Variants in NPAS3 observed in about 807,000 individuals in gnomAD.
The protein encoded by NPAS3 is neuronal PAS domain-containing protein 3.
In NPAS3, 14 loss-of-function variants were observed where a neutral mutation model predicts 73.1. That is an observed-to-expected ratio of 0.19 (90% confidence interval 0.13 to 0.30). NPAS3 has a LOEUF of 0.30. NPAS3 is among the 10% of genes least tolerant of loss of function. The pLI, the probability that NPAS3 is intolerant of heterozygous loss-of-function variation, is 1.00. For synonymous variants in NPAS3, 620 were observed against 541.5 expected (o/e 1.14, Z -2.01); for missense variants, 1,096 against 1,250.0 (o/e 0.88, Z 1.86).
chr14:33,691,811 C>A (rs2060243566), intron 6 of NPAS3, among the ~76,000 whole-genome samples: 1 of 152,164 alleles, frequency 6.6e-6, no homozygotes, highest in Non-Finnish European at 1.5e-5. Flanking sequence ...CTTCCCTCAA[C>A]CCCCAACTGG....
intron 3 of NPAS3, among the ~76,000 whole-genome samples, chr14:33,296,512 T>G (rs1362269567): frequency 6.6e-6 from 1 of 152,226 alleles, no homozygotes; most frequent in Non-Finnish European, 1.5e-5. Context: ...CCAGTAGAGT[T>G]GTGTGTGTCT....
At chr14:33,331,057 G>C (rs764982907) in intron 3 of NPAS3, among the ~76,000 whole-genome samples, 56 of 152,148 alleles carry the variant, frequency 3.7e-4, no homozygotes, top group South Asian at 1.2e-3. Flanking sequence ...AACTGGTATA[G>C]TACTTAGGAT....
At chr14:33,654,493 A>G (rs1376468572) in intron 5 of NPAS3, among the ~76,000 whole-genome samples, 1 of 152,166 alleles carries the variant, frequency 6.6e-6, no homozygotes, top group Admixed American at 6.5e-5. Context: ...CCAGTGGTGA[A>G]AAAAAGTGAC....
chr14:33,774,278 T>G, intron 7 of NPAS3, 59 bp from the exon 8 acceptor site: 1 of 1,362,324 alleles, frequency 7.3e-7, no homozygotes, highest in Non-Finnish European at 1.0e-6. Context: ...TCATAAGAAA[T>G]GCTGTTATAT....
chr14:33,311,553 T>C (rs144858659), intron 3 of NPAS3, among the ~76,000 whole-genome samples: 1 of 152,240 alleles, frequency 6.6e-6, no homozygotes, highest in African/African-American at 2.4e-5. Flanking sequence ...GATAATTCAG[T>C]AGCAATCTTG....
intron 6 of NPAS3, among the ~76,000 whole-genome samples, chr14:33,718,853 C>T (rs900135319): frequency 8.5e-5 from 13 of 152,102 alleles, no homozygotes; most frequent in Admixed American, 4.6e-4. Context: ...CGGCCAGGTA[C>T]GGTGGCTCAC....
chr14:33,671,208 G>A (rs147876426), intron 5 of NPAS3, among the ~76,000 whole-genome samples: 19 of 152,250 alleles, frequency 1.2e-4, no homozygotes, highest in Non-Finnish European at 2.4e-4. Context: ...TGCACTGTTA[G>A]TACATCACTG....
chr14:33,674,280 G>A (rs1595410286), intron 5 of NPAS3, among the ~76,000 whole-genome samples: 1 of 152,204 alleles, frequency 6.6e-6, no homozygotes, highest in South Asian at 2.1e-4. Context: ...ACAATCTATG[G>A]TCCGTGCCAA....
chr14:32,979,549 C>G (rs900921478), intron 1 of NPAS3, among the ~76,000 whole-genome samples: 3 of 152,086 alleles, frequency 2.0e-5, no homozygotes, highest in African/African-American at 7.2e-5. Flanking sequence ...AGCCACTGTT[C>G]TGTACTTTAC....
At chr14:33,086,765 A>G (rs373011620) in intron 2 of NPAS3, among the ~76,000 whole-genome samples, 236 of 152,262 alleles carry the variant, frequency 1.5e-3, no homozygotes, top group African/African-American at 5.5e-3. Context: ...CTATCCTACC[A>G]CATAACCTCT....
intron 6 of NPAS3, among the ~76,000 whole-genome samples, chr14:33,716,440 T>C (rs1713510156): frequency 6.6e-6 from 1 of 152,208 alleles, no homozygotes; most frequent in Non-Finnish European, 1.5e-5. Context: ...GTTTCATTAG[T>C]ATGTGTTCTA....
At chr14:33,418,755 T>C (rs899453307) in intron 4 of NPAS3, among the ~76,000 whole-genome samples, 75 of 151,986 alleles carry the variant, frequency 4.9e-4, no homozygotes, top group Admixed American at 4.9e-3. Context: ...ATTTCCGCAA[T>C]CATTGATCTT....
At chr14:33,473,665 G>A (rs57043760) in intron 4 of NPAS3, among the ~76,000 whole-genome samples, 27,196 of 152,118 alleles carry the variant, frequency 0.18, 3,384 homozygotes, top group African/African-American at 0.35. Context: ...TGCATTGAGT[G>A]TAATGGGAAG....
chr14:33,300,296 G>T (rs181458727), intron 3 of NPAS3, among the ~76,000 whole-genome samples: 1 of 152,174 alleles, frequency 6.6e-6, no homozygotes, highest in Non-Finnish European at 1.5e-5. Context: ...TGCAAGCTGT[G>T]CTTTTAATTG....
intron 1 of NPAS3, among the ~76,000 whole-genome samples, chr14:32,992,475 G>C (rs1382108333): frequency 6.6e-6 from 1 of 152,120 alleles, no homozygotes; most frequent in Non-Finnish European, 1.5e-5. Context: ...CTGAGGTAGT[G>C]GGGCATGAGC....
At chr14:33,319,007 T>G (rs1273081014) in intron 3 of NPAS3, among the ~76,000 whole-genome samples, 3 of 152,134 alleles carry the variant, frequency 2.0e-5, no homozygotes, top group South Asian at 2.1e-4. Flanking sequence ...GTTCATGGTA[T>G]GCAGATTGGC....
chr14:32,951,491 T>C (rs1034373799), intron 1 of NPAS3, among the ~76,000 whole-genome samples: 2 of 152,144 alleles, frequency 1.3e-5, no homozygotes, highest in South Asian at 2.1e-4. Flanking sequence ...CAGAGGACTT[T>C]GCAATGGAAG....
chr14:33,559,519 CA>C (rs541268677), intron 4 of NPAS3, among the ~76,000 whole-genome samples: 2 of 151,152 alleles, frequency 1.3e-5, no homozygotes, highest in South Asian at 2.1e-4. Flanking sequence ...CCACTGAATC[CA>C]AAAAAAATAA....
intron 6 of NPAS3, among the ~76,000 whole-genome samples, chr14:33,677,964 T>C (rs1275923454): frequency 1.3e-5 from 2 of 152,216 alleles, no homozygotes; most frequent in Admixed American, 1.3e-4. Flanking sequence ...AACGGTTTTC[T>C]ACTCTTTCAT....
Sources: gnomAD v4.1 joint callset for allele counts (sites outside exome capture counted in the v4.1 genomes callset) on GRCh38, gnomAD v4.1.1 for gene constraint, MANE v1.5 for transcripts, NCBI Gene and HGNC (gene_info 2026-07-23, HGNC 2026-07-21) for gene names.